CCDC102B: variants seen among roughly 807,000 people sequenced by gnomAD.
CCDC102B encodes coiled-coil domain-containing protein 102B.
A neutral mutation model predicts 57.4 loss-of-function variants in CCDC102B; 75 were observed. The observed-to-expected ratio is 1.31, with a 90% CI of 1.08 to 1.58. The LOEUF is 1.58. CCDC102B is among the 40% of genes most tolerant of loss of function. The pLI is 0.00. For missense variants in CCDC102B, 636 were observed against 582.6 expected, an observed-to-expected ratio of 1.09 and a Z score of -0.94; for synonymous variants, 206 against 201.9, an observed-to-expected ratio of 1.02 and a Z score of -0.17.
chr18:68,924,029 G>A (rs1046511906), intron 6 of CCDC102B, among the ~76,000 whole-genome samples: 12 of 151,938 alleles, frequency 7.9e-5, no homozygotes, highest in African/African-American at 2.7e-4. Context: ...AGGAACTCTC[G>A]TAGGATTAAA....
chr18:69,057,227 T>C (rs2052832580), downstream of CCDC102B, among the ~76,000 whole-genome samples: 1 of 152,108 alleles, frequency 6.6e-6, no homozygotes, highest in South Asian at 2.1e-4. Flanking sequence ...TACCAATTTC[T>C]GTTTCAGATA....
intron 4 of CCDC102B, among the ~76,000 whole-genome samples, 182 bp downstream of exon 4, chr18:68,846,603 C>A (rs1970674): frequency 0.61 from 92,872 of 151,470 alleles, 28,745 homozygotes; most frequent in African/African-American, 0.66. Context: ...AATTCAGACT[C>A]TATGACATCT....
chr18:68,819,116 A>C (rs1420889450), intron 1 of CCDC102B, among the ~76,000 whole-genome samples: 4 of 152,180 alleles, frequency 2.6e-5, no homozygotes, highest in Non-Finnish European at 5.9e-5. Context: ...GTTTAATAAA[A>C]TACTTTTTAT....
chr18:69,006,373 G>A (rs1216302823), intron 6 of CCDC102B, among the ~76,000 whole-genome samples: 1 of 151,728 alleles, frequency 6.6e-6, no homozygotes, highest in African/African-American at 2.4e-5. Flanking sequence ...ATGGATGGTA[G>A]CAAAGGCCAT....
chr18:68,867,844 G>A (rs2039069443), intron 4 of CCDC102B, among the ~76,000 whole-genome samples: 1 of 151,944 alleles, frequency 6.6e-6, no homozygotes, highest in Admixed American at 6.6e-5. Flanking sequence ...TGAGGCAGGA[G>A]AATGACATGA....
intron 6 of CCDC102B, among the ~76,000 whole-genome samples, chr18:68,984,612 C>T (rs777274370): frequency 2.6e-5 from 4 of 152,056 alleles, no homozygotes; most frequent in Non-Finnish European, 5.9e-5. Context: ...AACAGGCGAC[C>T]TTTAGAATTT....
At chr18:69,019,758 A>G (rs2051774326) in intron 7 of CCDC102B, among the ~76,000 whole-genome samples, 1 of 152,092 alleles carries the variant, frequency 6.6e-6, no homozygotes, top group Non-Finnish European at 1.5e-5. Context: ...TTCTAGTGCT[A>G]TGTTGAATAG....
chr18:68,798,793 T>C (rs145795395), intron 1 of CCDC102B, among the ~76,000 whole-genome samples: 65 of 152,158 alleles, frequency 4.3e-4, no homozygotes, highest in East Asian at 3.3e-3. Flanking sequence ...TAAAAAGTAA[T>C]GCTTAGCTAT....
At chr18:68,727,917 G>A (rs941240322) in intron 2 of CCDC102B, among the ~76,000 whole-genome samples, 2 of 152,228 alleles carry the variant, frequency 1.3e-5, no homozygotes, top group Non-Finnish European at 2.9e-5. Flanking sequence ...GGTCTAGCAA[G>A]TGGACTGTAG....
At chr18:68,827,563 A>T (rs1163272655) in intron 1 of CCDC102B, among the ~76,000 whole-genome samples, 1 of 152,060 alleles carries the variant, frequency 6.6e-6, no homozygotes, top group Non-Finnish European at 1.5e-5. Context: ...AACAAGCAAG[A>T]AAGCAAAAGA....
At chr18:68,803,572 A>G (rs530851007) in intron 1 of CCDC102B, among the ~76,000 whole-genome samples, 128 of 152,340 alleles carry the variant, frequency 8.4e-4, no homozygotes, top group African/African-American at 2.9e-3. Flanking sequence ...AGTCAGAAGA[A>G]TGTCCCTTCA....
chr18:68,949,694 A>G (rs1467503432), intron 6 of CCDC102B, among the ~76,000 whole-genome samples: 2 of 152,112 alleles, frequency 1.3e-5, no homozygotes, highest in Non-Finnish European at 2.9e-5. Context: ...ATCTCCTTCT[A>G]CTAAGAAATC....
chr18:68,716,778 T>A (rs1262451679), intron 2 of CCDC102B, among the ~76,000 whole-genome samples: 3 of 151,212 alleles, frequency 2.0e-5, no homozygotes. Context: ...TACAAAAAAT[T>A]AAAAAATTAG....
At chr18:68,832,159 A>G (rs2037171243) in intron 1 of CCDC102B, among the ~76,000 whole-genome samples, 1 of 151,890 alleles carries the variant, frequency 6.6e-6, no homozygotes, top group Non-Finnish European at 1.5e-5. Flanking sequence ...AGATAAAGCA[A>G]TAACGATAAA....
chr18:68,981,555 CA>C (rs929542463), intron 6 of CCDC102B, among the ~76,000 whole-genome samples: 1 of 151,908 alleles, frequency 6.6e-6, no homozygotes. Flanking sequence ...AACAAACAAA[CA>C]AAAAAACCAT....
At chr18:68,763,053 G>C (rs746208697) in intron 2 of CCDC102B, among the ~76,000 whole-genome samples, 1 of 151,994 alleles carries the variant, frequency 6.6e-6, no homozygotes. Flanking sequence ...TATTTTAGAC[G>C]TGATTTTATA....
chr18:68,732,857 G>C (rs2032945761), intron 2 of CCDC102B, among the ~76,000 whole-genome samples: 1 of 152,094 alleles, frequency 6.6e-6, no homozygotes, highest in Non-Finnish European at 1.5e-5. Context: ...TTACAGACCA[G>C]GGACCATCAT....
intron 6 of CCDC102B, among the ~76,000 whole-genome samples, chr18:68,953,079 G>T (rs769878797): frequency 4.0e-5 from 6 of 151,898 alleles, no homozygotes; most frequent in Non-Finnish European, 8.8e-5. Context: ...CAGCAACATG[G>T]ATAAATTTTA....
At chr18:68,997,501 G>T (rs2051062911) in intron 6 of CCDC102B, among the ~76,000 whole-genome samples, 1 of 152,060 alleles carries the variant, frequency 6.6e-6, no homozygotes, top group South Asian at 2.1e-4. Context: ...TGACATTAGG[G>T]CTGGCCTTTG....
Sources: gnomAD v4.1 joint callset for allele counts (sites outside exome capture counted in the v4.1 genomes callset) on GRCh38, gnomAD v4.1.1 for gene constraint, MANE v1.5 for transcripts, NCBI Gene and HGNC (gene_info 2026-07-23, HGNC 2026-07-21) for gene names.